The following LRP1B variants were observed in gnomAD, a reference collection of about 807,000 sequenced individuals.
LRP1B encodes the protein LDL receptor related protein 1B.
Under a neutral mutation model 556.6 loss-of-function variants are expected in LRP1B, and 217 were observed. That is an observed-to-expected ratio of 0.39 (90% CI 0.35 to 0.44). The LOEUF (loss-of-function observed/expected upper bound fraction) is 0.44. Among genes scored for constraint, LRP1B ranks in the 20% least tolerant of loss-of-function variants. LRP1B has a pLI of 1.00. For synonymous variants in LRP1B, 2,047 were observed against 1,865.8 expected, an observed-to-expected ratio of 1.10 and a Z score of -2.50; for missense variants, 5,053 against 5,620.8, an observed-to-expected ratio of 0.90 and a Z score of 3.23.
chr2:140,805,384 T>C (rs1327468473), intron 32 of LRP1B, among the ~76,000 whole-genome samples: 1 of 152,178 alleles, frequency 6.6e-6, no homozygotes, highest in East Asian at 1.9e-4. Context: ...TTTCAGTTCA[T>C]AGTGAGGATA....
At chr2:141,089,614 G>A (rs944652697) in intron 7 of LRP1B, among the ~76,000 whole-genome samples, 2 of 152,166 alleles carry the variant, frequency 1.3e-5, no homozygotes, top group Admixed American at 6.5e-5. Flanking sequence ...TGCTACCACT[G>A]TGCATAACTG....
chr2:141,110,175 A>C (rs1429698474), intron 7 of LRP1B, among the ~76,000 whole-genome samples: 3 of 152,208 alleles, frequency 2.0e-5, no homozygotes, highest in African/African-American at 7.2e-5. Context: ...TGCACATTCC[A>C]AATAATTTAG....
chr2:141,396,180 A>T (rs1690231212), intron 3 of LRP1B, among the ~76,000 whole-genome samples: 1 of 152,214 alleles, frequency 6.6e-6, no homozygotes, highest in Non-Finnish European at 1.5e-5. Flanking sequence ...ATCAGAATAA[A>T]ATGTAACTCA....
At chr2:141,673,327 T>C (rs977898121) in intron 2 of LRP1B, among the ~76,000 whole-genome samples, 2 of 152,222 alleles carry the variant, frequency 1.3e-5, no homozygotes, top group Non-Finnish European at 2.9e-5. Flanking sequence ...GAAATGAATT[T>C]CACCTCCTTG....
At chr2:141,994,355 T>G (rs866800371) in intron 1 of LRP1B, among the ~76,000 whole-genome samples, 1 of 151,744 alleles carries the variant, frequency 6.6e-6, no homozygotes, top group Non-Finnish European at 1.5e-5. Context: ...ATAAATCCTT[T>G]CTCTTTATGA....
At chr2:140,894,506 A>C (rs868594897) in intron 23 of LRP1B, among the ~76,000 whole-genome samples, 8 of 145,852 alleles carry the variant, frequency 5.5e-5, no homozygotes, top group Admixed American at 1.4e-4. Flanking sequence ...ATCAAAGATA[A>C]GTTGAGGTTG....
intron 3 of LRP1B, among the ~76,000 whole-genome samples, chr2:141,277,251 C>T (rs1685337407): frequency 6.6e-6 from 1 of 152,168 alleles, no homozygotes; most frequent in Non-Finnish European, 1.5e-5. Flanking sequence ...TTTACATTCC[C>T]ACCAGCAGTG....
At chr2:140,623,350 A>G (rs1214257670) in intron 41 of LRP1B, among the ~76,000 whole-genome samples, 1 of 152,194 alleles carries the variant, frequency 6.6e-6, no homozygotes, top group African/African-American at 2.4e-5. Context: ...AGAAAAAACA[A>G]AACTAGAATA....
At chr2:140,383,293 CGTGTGT>C (rs35151647) in intron 67 of LRP1B, among the ~76,000 whole-genome samples, 216 of 145,738 alleles carry the variant, frequency 1.5e-3, no homozygotes, top group African/African-American at 4.3e-3. Flanking sequence ...CAGTGATGTG[CGTGTGT>C]GTGTGTGTGT....
chr2:141,586,313 C>G (rs1201422517), intron 2 of LRP1B, among the ~76,000 whole-genome samples: 1 of 152,132 alleles, frequency 6.6e-6, no homozygotes, highest in African/African-American at 2.4e-5. Context: ...AGCATCAACT[C>G]TAGTCTTACT....
chr2:141,927,859 G>C (rs1700376232), intron 1 of LRP1B, among the ~76,000 whole-genome samples: 1 of 125,534 alleles, frequency 8.0e-6, no homozygotes, highest in South Asian at 2.4e-4. Context: ...TAGTCATCCT[G>C]TCCTTAGCAG....
chr2:141,210,860 G>A (rs1682508680), intron 6 of LRP1B, among the ~76,000 whole-genome samples: 1 of 152,078 alleles, frequency 6.6e-6, no homozygotes, highest in South Asian at 2.1e-4. Flanking sequence ...TTCTACTTTG[G>A]CAAGTTTCAA....
At chr2:140,787,038 G>A (rs1689929308) in intron 32 of LRP1B, among the ~76,000 whole-genome samples, 1 of 152,142 alleles carries the variant, frequency 6.6e-6, no homozygotes, top group Non-Finnish European at 1.5e-5. Flanking sequence ...AGGAAGAAGA[G>A]GAAGAGCAGG....
chr2:141,291,136 T>G (rs573582299), intron 3 of LRP1B, among the ~76,000 whole-genome samples: 17 of 152,284 alleles, frequency 1.1e-4, no homozygotes, highest in Admixed American at 4.6e-4. Flanking sequence ...AGATTAGATA[T>G]TTCTTGCCTC....
At chr2:141,352,768 G>T (rs1688490412) in intron 3 of LRP1B, among the ~76,000 whole-genome samples, 1 of 151,898 alleles carries the variant, frequency 6.6e-6, no homozygotes, top group Middle Eastern at 3.2e-3. Flanking sequence ...TTGGTCATAT[G>T]AAATGCCAGC....
intron 60 of LRP1B, among the ~76,000 whole-genome samples, chr2:140,461,159 TATACTCTATTACA>T (rs1687302261): frequency 6.6e-6 from 1 of 152,096 alleles, no homozygotes; most frequent in East Asian, 1.9e-4. Flanking sequence ...ACAGCTTGAA[TATACTCTATTACA>T]ATACTCTTGA....
chr2:141,049,860 A>C (rs1377081812), intron 10 of LRP1B, among the ~76,000 whole-genome samples: 1 of 152,056 alleles, frequency 6.6e-6, no homozygotes, highest in Admixed American at 6.6e-5. Flanking sequence ...CTGATGTACA[A>C]CACAGGCCTT....
intron 1 of LRP1B, among the ~76,000 whole-genome samples, chr2:141,877,686 G>A (rs904099810): frequency 2.0e-5 from 3 of 151,902 alleles, no homozygotes; most frequent in Non-Finnish European, 2.9e-5. Context: ...TACAGCAGTC[G>A]GTAATACTCA....
At chr2:141,631,007 G>A (rs1688887307) in intron 2 of LRP1B, among the ~76,000 whole-genome samples, 1 of 152,036 alleles carries the variant, frequency 6.6e-6, no homozygotes, top group South Asian at 2.1e-4. Flanking sequence ...TTCTCATGCT[G>A]CTATAAACGA....
Sources: gnomAD v4.1 joint callset for allele counts (sites outside exome capture counted in the v4.1 genomes callset) on GRCh38, gnomAD v4.1.1 for gene constraint, MANE v1.5 for transcripts, NCBI Gene and HGNC (gene_info 2026-07-23, HGNC 2026-07-21) for gene names.